Variants in RSRC1 observed in about 807,000 individuals in gnomAD.
RSRC1 encodes the protein arginine and serine rich coiled-coil 1.
In RSRC1, 39 loss-of-function variants were observed where a neutral mutation model predicts 49.1. The observed-to-expected ratio is 0.79, with a 90% CI of 0.61 to 1.04. The LOEUF is 1.04. Ranked by LOEUF, RSRC1 falls within the 50% of genes least tolerant of loss-of-function variation. The pLI is 0.00. For synonymous variants in RSRC1, 143 were observed against 130.8 expected (o/e 1.09, Z -0.63); for missense variants, 388 against 402.4 (o/e 0.96, Z 0.31).
At chr3:158,449,110 T>C (rs910706666) in intron 6 of RSRC1, among the ~76,000 whole-genome samples, 15 of 151,872 alleles carry the variant, frequency 9.9e-5, no homozygotes, top group Non-Finnish European at 2.9e-5. Context: ...TTCTAACAAT[T>C]TGCAGAAATA....
chr3:158,499,103 C>T (rs770519224), intron 7 of RSRC1, among the ~76,000 whole-genome samples: 10 of 152,018 alleles, frequency 6.6e-5, no homozygotes, highest in East Asian at 1.9e-4. Flanking sequence ...TCTGGCTGGG[C>T]GCGGTGGCTC....
intron 4 of RSRC1, among the ~76,000 whole-genome samples, chr3:158,282,449 T>C (rs1426393746): frequency 6.6e-6 from 1 of 152,212 alleles, no homozygotes; most frequent in Non-Finnish European, 1.5e-5. Flanking sequence ...ACAGTGGCTT[T>C]GTTTTTTCTG....
At chr3:158,159,279 A>G (rs1295236688) in intron 3 of RSRC1, among the ~76,000 whole-genome samples, 1 of 152,216 alleles carries the variant, frequency 6.6e-6, no homozygotes, top group Non-Finnish European at 1.5e-5. Flanking sequence ...AGTAAGGAGT[A>G]GCCACTGAGG....
intron 3 of RSRC1, among the ~76,000 whole-genome samples, chr3:158,190,082 A>C (rs1720149515): frequency 6.6e-6 from 1 of 152,050 alleles, no homozygotes; most frequent in Non-Finnish European, 1.5e-5. Flanking sequence ...TTCTCAAAAA[A>C]AATTAAAGCC....
chr3:158,382,634 G>A (rs1247550880), intron 6 of RSRC1, among the ~76,000 whole-genome samples: 2 of 152,140 alleles, frequency 1.3e-5, no homozygotes, highest in South Asian at 2.1e-4. Context: ...CCTACTTTAA[G>A]TTGCTTTCTC....
chr3:158,325,693 G>T (rs11719388), intron 5 of RSRC1, among the ~76,000 whole-genome samples: 47,333 of 152,050 alleles, frequency 0.31, 7,620 homozygotes, highest in South Asian at 0.41. Context: ...TTTGGCTTAG[G>T]ATTGTCTTGG....
Position 158,123,931 on chromosome 3 carries a change from C to G in RSRC1, c.260C>G (p.Ser87Ter), listed in dbSNP as rs761357229. ...GSRRKRSRSR[S>*]RGRGKSYRVQ... Reference sequence around the variant, plus strand: ...AGAAGGAAACGAAGTCGAAGTCGTTCAAGGGGTCGAGGGAAATCCTATAGA... The same window carrying G: ...AGAAGGAAACGAAGTCGAAGTCGTTGAAGGGGTCGAGGGAAATCCTATAGA... The change falls in exon 3 of 10, where the codon TCA becomes TGA. Residue 87 changes from serine (S) to a stop codon, truncating the protein, a stop_gained. Coordinates refer to ENST00000611884, the MANE Select transcript of RSRC1 (RefSeq NM_001271838.2). LOFTEE classifies it high-confidence loss of function. 1.9e-6 allele frequency: 3 copies of G among 1,613,050 alleles called. No homozygotes were observed. In the South Asian group the frequency reaches 3.3e-5, roughly 18 times the overall value.
intron 1 of RSRC1, among the ~76,000 whole-genome samples, chr3:158,117,926 A>G (rs1047217539): frequency 7.1e-6 from 1 of 140,768 alleles, no homozygotes; most frequent in Non-Finnish European, 1.5e-5. Flanking sequence ...TGAGTCCTTT[A>G]ACCTCTTTTC....
At chr3:158,503,954 GT>G (rs1442553707) in intron 7 of RSRC1, among the ~76,000 whole-genome samples, 2 of 152,280 alleles carry the variant, frequency 1.3e-5, no homozygotes, top group East Asian at 1.9e-4. Flanking sequence ...TCCCTGTGGT[GT>G]TTTTCCCCCC....
At position 158,118,462 on chromosome 3, in the gene RSRC1, T is replaced by TGTGTGTGTGTGTGCGC. The variant is rs1491469875; in HGVS notation, c.-2-3640_-2-3639insTGTGTGTGTGTGCGCG. Among the ~76,000 whole-genome samples the TGTGTGTGTGTGTGCGC allele has an allele frequency of 4.0e-3, 499 of 124,672 alleles. 7 individuals carry two copies. The highest frequency in any genetic ancestry group is 8.7e-3 in the Middle Eastern group (2 of 230). 81.8% of individuals were successfully genotyped at this position (124,672 alleles called of 152,430 possible). ...GTGTGTGTGTGTGTGTGTGTGTGTG[T>TGTGTGTGTGTGTGCGC]GCGCGTGCGCGTGGTTTTTTTAAAT... is the stretch of plus-strand genomic sequence containing the variant. On this transcript the variant is annotated intron_variant, in intron 1 of 9. Coordinates refer to ENST00000611884, the MANE Select transcript of RSRC1 (RefSeq NM_001271838.2).
chr3:158,168,514 T>C (rs1012153731), intron 3 of RSRC1, among the ~76,000 whole-genome samples: 1 of 152,244 alleles, frequency 6.6e-6, no homozygotes, highest in Non-Finnish European at 1.5e-5. Context: ...CATTTTGACA[T>C]ATTAAAACAT....
At chr3:158,405,881 C>G (rs1734139255) in intron 6 of RSRC1, among the ~76,000 whole-genome samples, 1 of 152,048 alleles carries the variant, frequency 6.6e-6, no homozygotes, top group African/African-American at 2.4e-5. Context: ...CTTGTACACT[C>G]TTAAATTTAC....
chr3:158,492,154 C>T (rs1739110237), intron 7 of RSRC1, among the ~76,000 whole-genome samples: 1 of 152,094 alleles, frequency 6.6e-6, no homozygotes, highest in Non-Finnish European at 1.5e-5. Context: ...CACTTTTAAA[C>T]CATCAGATCT....
chr3:158,125,081 A>G (rs1715529094), intron 3 of RSRC1, among the ~76,000 whole-genome samples: 1 of 151,952 alleles, frequency 6.6e-6, no homozygotes, highest in Admixed American at 6.6e-5. Flanking sequence ...ATCCTTCCAA[A>G]GTGCTGGCAT....
At chr3:158,308,109 T>C (rs1253865477) in intron 5 of RSRC1, among the ~76,000 whole-genome samples, 2 of 151,942 alleles carry the variant, frequency 1.3e-5, no homozygotes, top group African/African-American at 4.8e-5. Flanking sequence ...GGTATGAACA[T>C]AAATTTGTAA....
chr3:158,385,821 A>G (rs1185491554), intron 6 of RSRC1, among the ~76,000 whole-genome samples: 1 of 152,126 alleles, frequency 6.6e-6, no homozygotes, highest in African/African-American at 2.4e-5. Flanking sequence ...CCATAAACAA[A>G]TTGTGTTTGT....
At chr3:158,302,955 A>G (rs1264582218) in intron 5 of RSRC1, 2 of 151,964 alleles carry the variant, frequency 1.3e-5, no homozygotes, top group Admixed American at 6.6e-5. Flanking sequence ...ATGAGCAACC[A>G]CGCCCAGTGA....
intron 1 of RSRC1, among the ~76,000 whole-genome samples, chr3:158,117,941 C>A (rs1213964055): frequency 6.7e-6 from 1 of 148,396 alleles, no homozygotes; most frequent in Non-Finnish European, 1.5e-5. Flanking sequence ...CTTTTCCAAC[C>A]TTATTGTTTT....
At chr3:158,233,725 TTTC>T (rs1723090737) in intron 4 of RSRC1, among the ~76,000 whole-genome samples, 1 of 152,130 alleles carries the variant, frequency 6.6e-6, no homozygotes, top group Admixed American at 6.6e-5. Flanking sequence ...CCCCTGATCA[TTTC>T]TTTTTATGCA....
Sources: gnomAD v4.1 joint callset for allele counts (sites outside exome capture counted in the v4.1 genomes callset) on GRCh38, gnomAD v4.1.1 for gene constraint, MANE v1.5 for transcripts, NCBI Gene and HGNC (gene_info 2026-07-23, HGNC 2026-07-21) for gene names.